Variants in ZFHX3 observed in about 807,000 individuals in gnomAD.
ZFHX3 encodes zinc finger homeobox 3, also known as zinc finger homeobox protein 3.
Under a neutral mutation model 279.1 loss-of-function variants are expected in ZFHX3, and 42 were observed. The ratio of observed to expected loss-of-function variants is 0.15; its 90% CI spans 0.12 to 0.19. ZFHX3 has a LOEUF of 0.19. ZFHX3 is among the 10% of genes least tolerant of loss of function. The pLI is 1.00. For missense variants in ZFHX3, 4,981 were observed against 4,754.0 expected, an observed-to-expected ratio of 1.05 and a Z score of -1.40; for synonymous variants, 2,293 against 1,957.8, an observed-to-expected ratio of 1.17 and a Z score of -4.52.
chr16:72,965,742 C>G (rs1271565047), intron 1 of ZFHX3, among the ~76,000 whole-genome samples: 1 of 151,802 alleles, frequency 6.6e-6, no homozygotes, highest in Non-Finnish European at 1.5e-5. Flanking sequence ...GTCAGAGTGA[C>G]TTAATGGATA....
intron 4 of ZFHX3, among the ~76,000 whole-genome samples, chr16:73,312,823 T>C (rs2015356924): frequency 6.6e-6 from 1 of 152,242 alleles, no homozygotes; most frequent in African/African-American, 2.4e-5. Context: ...ATAATAGTAA[T>C]AGTAATCATC....
intron 1 of ZFHX3, among the ~76,000 whole-genome samples, chr16:73,768,102 G>A (rs771529950): frequency 2.0e-5 from 3 of 152,096 alleles, no homozygotes; most frequent in Non-Finnish European, 2.9e-5. Flanking sequence ...CCAACCCTTG[G>A]CCACTTACTG....
At chr16:73,749,490 A>C (rs2053738709) in intron 1 of ZFHX3, among the ~76,000 whole-genome samples, 1 of 152,158 alleles carries the variant, frequency 6.6e-6, no homozygotes, top group African/African-American at 2.4e-5. Context: ...TCCCTGATAA[A>C]CAGGAAGCCT....
chr16:73,418,781 C>A (rs2017652767), intron 3 of ZFHX3, among the ~76,000 whole-genome samples: 1 of 152,184 alleles, frequency 6.6e-6, no homozygotes, highest in South Asian at 2.1e-4. Flanking sequence ...GGCACTGTTG[C>A]CAGAAACTTG....
intron 8 of ZFHX3, among the ~76,000 whole-genome samples, chr16:73,089,595 A>C (rs1326367689): frequency 6.6e-6 from 1 of 152,144 alleles, no homozygotes; most frequent in African/African-American, 2.4e-5. Context: ...CTATCCATTG[A>C]CCCTGCACTG....
At chr16:72,870,990 A>T (rs960022685) in intron 4 of ZFHX3, among the ~76,000 whole-genome samples, 2 of 152,186 alleles carry the variant, frequency 1.3e-5, no homozygotes, top group Admixed American at 6.5e-5. Flanking sequence ...TCCCAAAAAA[A>T]TGGCAATGTG....
intron 2 of ZFHX3, among the ~76,000 whole-genome samples, chr16:73,641,018 A>G (rs2052568517): frequency 1.3e-5 from 2 of 152,224 alleles, no homozygotes; most frequent in South Asian, 4.1e-4. Context: ...CGGCACTGGA[A>G]GCTCAAAGAC....
intron 2 of ZFHX3, among the ~76,000 whole-genome samples, chr16:73,670,372 A>C (rs1480566): frequency 0.69 from 105,119 of 152,090 alleles, 36,466 homozygotes; most frequent in East Asian, 0.85. Flanking sequence ...AAAAGACGAA[A>C]TGGCTCAGGA....
At chr16:73,692,747 G>A (rs886083336) in intron 1 of ZFHX3, among the ~76,000 whole-genome samples, 5 of 152,136 alleles carry the variant, frequency 3.3e-5, no homozygotes, top group African/African-American at 9.7e-5. Flanking sequence ...TATTTTTGTA[G>A]GTGAGAGTTT....
intron 3 of ZFHX3, among the ~76,000 whole-genome samples, chr16:72,949,725 A>G (rs1960882080): frequency 6.7e-6 from 1 of 149,606 alleles, no homozygotes; most frequent in African/African-American, 2.4e-5. Context: ...GAAGAGAAAG[A>G]GGACACAGAA....
At chr16:72,866,686 G>A (rs1453225102) in intron 4 of ZFHX3, among the ~76,000 whole-genome samples, 2 of 152,190 alleles carry the variant, frequency 1.3e-5, no homozygotes, top group Non-Finnish European at 2.9e-5. Context: ...AAAAGGAAAT[G>A]AGATGGGTGC....
intron 1 of ZFHX3, among the ~76,000 whole-genome samples, chr16:73,784,317 T>C (rs1195807130): frequency 6.6e-6 from 1 of 151,974 alleles, no homozygotes; most frequent in Non-Finnish European, 1.5e-5. Flanking sequence ...ACCTACTAGA[T>C]GTGCTTAACA....
chr16:73,440,846 C>T (rs2018079939), intron 3 of ZFHX3, among the ~76,000 whole-genome samples: 1 of 152,192 alleles, frequency 6.6e-6, no homozygotes, highest in African/African-American at 2.4e-5. Context: ...TATCATCTGC[C>T]CCTTCCTCTT....
chr16:73,296,381 C>A lies in ZFHX3; in HGVS notation c.-1194+21859G>T, dbSNP rs763024467. Among the ~76,000 whole-genome samples the A allele has an allele frequency of 3.3e-5, 5 of 151,982 alleles. No individual in the cohort carries two copies. In the East Asian group the frequency reaches 9.6e-4, roughly 29 times the overall value. Reference sequence around the variant, plus strand: ...GAGAACTTTAATGGGCCTTCCATACCCTTGATGTGGGGAATGAATGTTAAA... The same window carrying A: ...GAGAACTTTAATGGGCCTTCCATACACTTGATGTGGGGAATGAATGTTAAA... On this transcript the variant is annotated intron_variant, in intron 4 of 17. Coordinates refer to the ZFHX3 transcript ENST00000641206.
At chr16:73,176,513 CTCTT>C (rs1219846053) in intron 5 of ZFHX3, among the ~76,000 whole-genome samples, 1 of 152,092 alleles carries the variant, frequency 6.6e-6, no homozygotes, top group Non-Finnish European at 1.5e-5. Context: ...TCATGCATCT[CTCTT>C]TCTTGCTCTC....
rs1213747931 is a variant in ZFHX3, at chr16:73,538,677, T to C, written c.-1546-82419A>G. 2.0e-5 allele frequency among the ~76,000 whole-genome samples: 3 copies of C among 152,190 alleles called. 1 individual carries two copies. The highest frequency in any genetic ancestry group is 2.9e-5 in the Non-Finnish European group (2 of 68,038). ...CCCCTAATTCCTCACGTCTGCCACA[T>C]GCCCATTGGTTAATACAGCGGAGAC... On this transcript the variant is annotated intron_variant, in intron 2 of 17. Transcript: ENST00000641206.
At chr16:73,665,014 G>A (rs1420682040) in intron 2 of ZFHX3, among the ~76,000 whole-genome samples, 1 of 152,144 alleles carries the variant, frequency 6.6e-6, no homozygotes, top group East Asian at 1.9e-4. Context: ...AACAAATATT[G>A]TGTTAGTGCC....
At chr16:73,323,190 G>T (rs947163007) in intron 3 of ZFHX3, among the ~76,000 whole-genome samples, 1 of 152,172 alleles carries the variant, frequency 6.6e-6, no homozygotes, top group Non-Finnish European at 1.5e-5. Context: ...AGGAGGGCCT[G>T]GTGGGACCTG....
exon 1 of ZFHX3, chr16:73,058,974 C>T: frequency 1.2e-5 from 2 of 169,638 alleles, no homozygotes; most frequent in Non-Finnish European, 2.5e-5. Flanking sequence ...GCGGCGGTGG[C>T]GGCTGCAGCG....
Sources: gnomAD v4.1 joint callset for allele counts (sites outside exome capture counted in the v4.1 genomes callset) on GRCh38, gnomAD v4.1.1 for gene constraint, MANE v1.5 for transcripts, NCBI Gene and HGNC (gene_info 2026-07-23, HGNC 2026-07-21) for gene names.